AGBL4: variants seen among roughly 807,000 people sequenced by gnomAD.
The protein encoded by AGBL4 is cytosolic carboxypeptidase 6.
In AGBL4, 58 loss-of-function variants were observed where a neutral mutation model predicts 66.4. That is an observed-to-expected ratio of 0.87 (90% CI 0.71 to 1.09). The LOEUF (loss-of-function observed/expected upper bound fraction) is 1.09. AGBL4 is among the 50% of genes least tolerant of loss of function. AGBL4 has a pLI of 0.00. For synonymous variants in AGBL4, 234 were observed against 222.9 expected, an observed-to-expected ratio of 1.05 and a Z score of -0.44; for missense variants, 579 against 631.0, an observed-to-expected ratio of 0.92 and a Z score of 0.88.
intron 3 of AGBL4, among the ~76,000 whole-genome samples, chr1:49,598,477 C>A (rs1021853159): frequency 2.0e-5 from 3 of 152,174 alleles, no homozygotes; most frequent in Non-Finnish European, 4.4e-5. Flanking sequence ...TGCTAGAGGT[C>A]CACTCCAGAC....
chr1:49,207,217 A>G (rs1648221940), intron 4 of AGBL4, among the ~76,000 whole-genome samples: 1 of 152,076 alleles, frequency 6.6e-6, no homozygotes, highest in Admixed American at 6.6e-5. Context: ...CAGTGGCAGA[A>G]TCCAAATTCT....
intron 5 of AGBL4, among the ~76,000 whole-genome samples, chr1:48,938,032 C>T (rs1655626072): frequency 6.6e-6 from 1 of 152,130 alleles, no homozygotes; most frequent in Non-Finnish European, 1.5e-5. Flanking sequence ...AATATTGGGA[C>T]TATAATATCT....
At chr1:49,222,378 T>C (rs903821752) in intron 4 of AGBL4, among the ~76,000 whole-genome samples, 4 of 151,500 alleles carry the variant, frequency 2.6e-5, no homozygotes, top group Non-Finnish European at 5.9e-5. Flanking sequence ...ACAGAAGATA[T>C]TCTTAGGTCA....
intron 5 of AGBL4, among the ~76,000 whole-genome samples, chr1:48,946,766 C>T (rs960248759): frequency 3.3e-5 from 5 of 152,064 alleles, no homozygotes; most frequent in African/African-American, 4.8e-5. Context: ...TACATGGACA[C>T]GAGAGTAGTA....
intron 6 of AGBL4, among the ~76,000 whole-genome samples, chr1:48,706,813 G>A (rs1646888167): frequency 6.6e-6 from 1 of 152,208 alleles, no homozygotes; most frequent in South Asian, 2.1e-4. Flanking sequence ...TGAATCCAGA[G>A]CTGTTACCTG....
At chr1:49,051,511 A>C (rs1470387049) in intron 4 of AGBL4, among the ~76,000 whole-genome samples, 3 of 152,128 alleles carry the variant, frequency 2.0e-5, no homozygotes, top group Non-Finnish European at 4.4e-5. Flanking sequence ...GTAAGATTTC[A>C]TTCCTTTTCC....
At chr1:48,558,820 C>T (rs1345941560) in intron 11 of AGBL4, among the ~76,000 whole-genome samples, 7 of 152,126 alleles carry the variant, frequency 4.6e-5, no homozygotes, top group African/African-American at 1.7e-4. Flanking sequence ...AATTAATTTC[C>T]CTTTTTATTT....
chr1:49,859,563 G>T (rs1173370191), intron 1 of AGBL4, among the ~76,000 whole-genome samples: 1 of 151,946 alleles, frequency 6.6e-6, no homozygotes. Context: ...AGCATATGAA[G>T]AATTAAAACG....
chr1:48,882,683 T>G (rs1200945393), intron 5 of AGBL4, among the ~76,000 whole-genome samples: 1 of 152,194 alleles, frequency 6.6e-6, no homozygotes, highest in Non-Finnish European at 1.5e-5. Flanking sequence ...GTAAAATTAT[T>G]GTCACCATGC....
intron 3 of AGBL4, among the ~76,000 whole-genome samples, chr1:49,598,812 G>C (rs371315849): frequency 5.9e-5 from 9 of 152,118 alleles, no homozygotes; most frequent in Non-Finnish European, 1.3e-4. Flanking sequence ...TAGCATGAAG[G>C]GGTGTTGAAT....
chr1:49,139,509 C>T (rs79087509), intron 4 of AGBL4, among the ~76,000 whole-genome samples: 1 of 152,094 alleles, frequency 6.6e-6, no homozygotes, highest in Admixed American at 6.6e-5. Flanking sequence ...AGGCTGCTCA[C>T]CTTTAAGTCC....
At chr1:49,982,236 G>A (rs1659113770) in intron 1 of AGBL4, among the ~76,000 whole-genome samples, 1 of 152,220 alleles carries the variant, frequency 6.6e-6, no homozygotes, top group Admixed American at 6.5e-5. Context: ...GGTGCCAGGT[G>A]CAGTGGGGGA....
intron 6 of AGBL4, among the ~76,000 whole-genome samples, chr1:48,715,877 C>CT (rs1647042070): frequency 6.6e-6 from 1 of 152,118 alleles, no homozygotes; most frequent in South Asian, 2.1e-4. Flanking sequence ...TGCCTCTACT[C>CT]TTTTTTTCCT....
chr1:48,975,878 G>T (rs1659297312), intron 5 of AGBL4, among the ~76,000 whole-genome samples: 1 of 152,228 alleles, frequency 6.6e-6, no homozygotes, highest in Middle Eastern at 3.4e-3. Flanking sequence ...TCAGAAGTGG[G>T]TTGCTATAGT....
intron 3 of AGBL4, among the ~76,000 whole-genome samples, chr1:49,461,906 T>G (rs1409068193): frequency 6.6e-6 from 1 of 151,804 alleles, no homozygotes; most frequent in Non-Finnish European, 1.5e-5. Flanking sequence ...ACTTTGCTAT[T>G]GTGAACAATG....
chr1:49,970,970 T>C (rs893980311), intron 1 of AGBL4, among the ~76,000 whole-genome samples: 13 of 152,214 alleles, frequency 8.5e-5, no homozygotes, highest in Non-Finnish European at 1.6e-4. Flanking sequence ...ATTTGCCTTT[T>C]ATCTCCTTGT....
At chr1:49,768,122 T>C (rs113740874) in intron 2 of AGBL4, among the ~76,000 whole-genome samples, 242 of 152,228 alleles carry the variant, frequency 1.6e-3, no homozygotes, top group Non-Finnish European at 2.7e-3. Context: ...CCAATCCTCC[T>C]GAAATTATTC....
At chr1:50,008,890 G>A (rs1381285995) in intron 1 of AGBL4, among the ~76,000 whole-genome samples, 3 of 152,028 alleles carry the variant, frequency 2.0e-5, no homozygotes, top group Non-Finnish European at 4.4e-5. Flanking sequence ...CCAATCAAAT[G>A]AAAAACCTAG....
intron 3 of AGBL4, among the ~76,000 whole-genome samples, chr1:49,429,478 A>G (rs1410894113): frequency 6.6e-6 from 1 of 152,118 alleles, no homozygotes; most frequent in African/African-American, 2.4e-5. Context: ...ATATAAATCT[A>G]CCCTTATTTC....
Sources: gnomAD v4.1 joint callset for allele counts (sites outside exome capture counted in the v4.1 genomes callset) on GRCh38, gnomAD v4.1.1 for gene constraint, MANE v1.5 for transcripts, NCBI Gene and HGNC (gene_info 2026-07-23, HGNC 2026-07-21) for gene names.